The following RNF32 variants were observed in gnomAD, a reference collection of about 807,000 sequenced individuals.
RNF32 encodes the protein ring finger protein 32.
In RNF32, 36 loss-of-function variants were observed where a neutral mutation model predicts 41.0. The ratio of observed to expected loss-of-function variants is 0.88; its 90% CI spans 0.67 to 1.16. RNF32 has a LOEUF of 1.16. Among genes scored for constraint, RNF32 ranks in the 50% most tolerant of loss-of-function variants. The pLI, the probability that RNF32 is intolerant of heterozygous loss-of-function variation, is 0.00. For missense variants in RNF32, 413 were observed against 436.7 expected (o/e 0.95, Z 0.48); for synonymous variants, 154 against 160.9 (o/e 0.96, Z 0.32).
chr7:156,673,543 T>C lies in RNF32; in HGVS notation c.685-2153T>C, dbSNP rs113518786. ...ATTACATTCAGAGTGAAAGAGAATT[T>C]GACTCATAAATAGAAAAGCAGCTTC... On this transcript the variant is annotated intron_variant, in intron 7 of 8. Coordinates refer to ENST00000317955, the MANE Select transcript of RNF32 (RefSeq NM_030936.4). Among the ~76,000 whole-genome samples the C allele has an allele frequency of 4.4e-3, 677 of 152,278 alleles. 3 individuals are homozygous for C. Among genetic ancestry groups the C allele is most frequent in the Middle Eastern group, 0.024 (7 of 294 alleles).
rs1474155824 is a variant in RNF32, at chr7:156,654,621, C to G, written c.320C>G (p.Ser107Ter). The G allele has an allele frequency of 6.2e-7, 1 of 1,614,072 alleles. No homozygotes were observed. The highest frequency in any genetic ancestry group is 1.7e-5 in the Admixed American group (1 of 60,034). ...GGGCCTCCACCACCTCCACTGTCATCAGATGAATGGGAGAAGGTGAAACAG... is the reference window on the plus strand; with the variant it reads ...GGGCCTCCACCACCTCCACTGTCATGAGATGAATGGGAGAAGGTGAAACAG... ...LIGPPPPPLS[S>*]DEWEKVKQRS... The change falls in exon 4 of 9, where the codon TCA becomes TGA. Residue 107 changes from serine to a stop codon, truncating the protein, a stop_gained. Transcript: ENST00000317955. LOFTEE classifies it high-confidence loss of function.
upstream of RNF32, chr7:156,640,263 C>A (rs758672417): frequency 6.3e-5 from 28 of 447,206 alleles, no homozygotes; most frequent in African/African-American, 5.7e-4. Flanking sequence ...AGCGAAGGGG[C>A]GGTGCGCTCG....
chr7:156,647,295 C>A (rs991474777), intron 3 of RNF32, among the ~76,000 whole-genome samples: 5 of 152,042 alleles, frequency 3.3e-5, no homozygotes, highest in Admixed American at 2.0e-4. Flanking sequence ...TTAGTGCCAC[C>A]ACCAGAGTAG....
At chr7:156,641,071 T>G (rs1482499916) in intron 1 of RNF32, 1 of 152,550 alleles carries the variant, frequency 6.6e-6, no homozygotes, top group Non-Finnish European at 1.5e-5. Context: ...CTTAGAACAG[T>G]GATCCCACGT....
In RNF32 at chr7:156,676,868, G is replaced by A. The variant is rs1804155263; in HGVS notation, c.*213G>A. 3.7e-6 allele frequency: 2 copies of A among 543,704 alleles called. No individual in the cohort carries two copies. The highest frequency in any genetic ancestry group is 1.9e-5 in the African/African-American group (1 of 53,004). 33.7% of individuals were successfully genotyped at this position (543,704 alleles called of 1,614,324 possible). Reference sequence around the variant, plus strand: ...TCTAAAAAGTAAATTTCAAATTTATGAGTTTAATCACTTCAAATATGAATA... The same window carrying A: ...TCTAAAAAGTAAATTTCAAATTTATAAGTTTAATCACTTCAAATATGAATA... On this transcript the variant is annotated 3_prime_UTR_variant, in exon 9 of 9. Transcript: ENST00000317955.
At chr7:156,674,280 C>A (rs1803298727) in intron 7 of RNF32, among the ~76,000 whole-genome samples, 1 of 152,224 alleles carries the variant, frequency 6.6e-6, no homozygotes, top group African/African-American at 2.4e-5. Context: ...GGAGAACACC[C>A]AGAAGAGACA....
chr7:156,672,498 G>C (rs1029715102), intron 7 of RNF32, among the ~76,000 whole-genome samples: 1 of 152,178 alleles, frequency 6.6e-6, no homozygotes, highest in African/African-American at 2.4e-5. Context: ...CAGTTGTTCA[G>C]AGCATATGAG....
chr7:156,674,835 C>G (rs889106078), intron 7 of RNF32, among the ~76,000 whole-genome samples: 1 of 152,164 alleles, frequency 6.6e-6, no homozygotes. Flanking sequence ...AAATTACATA[C>G]GTAGCTCACA....
Position 156,675,782 on chromosome 7 carries a change from A to T in RNF32, c.771A>T (p.Ile257=). Residue 257 remains isoleucine, a synonymous_variant, in exon 8 of 9, where the codon ATA becomes ATT. Transcript: ENST00000317955. ...CAGAAATCGATCAGTGCTTGGCCAT[A>T]AATCGAAGTGTTCTTCAGCAGTTGG... is the stretch of plus-strand genomic sequence containing the variant. The part of the protein sequence containing the change: ...LFAEIDQCLA[I]NRSVLQQLEE... The T allele has an allele frequency of 6.2e-7, 1 of 1,614,116 alleles. No homozygotes were observed. The highest frequency in any genetic ancestry group is 1.1e-5 in the South Asian group (1 of 91,074).
chr7:156,674,767 A>G (rs1803426399), intron 7 of RNF32, among the ~76,000 whole-genome samples: 1 of 152,262 alleles, frequency 6.6e-6, no homozygotes, highest in South Asian at 2.1e-4. Flanking sequence ...TGGGTCAGAT[A>G]CAATATTAAA....
chr7:156,670,115 C>T lies in RNF32; in HGVS notation c.685-5581C>T, dbSNP rs1802154491. 6.6e-6 allele frequency among the ~76,000 whole-genome samples: 1 copy of T among 152,172 alleles called. No homozygotes were observed. Among genetic ancestry groups the T allele is most frequent in the East Asian group, 1.9e-4 (1 of 5,190 alleles). On this transcript the variant is annotated intron_variant, in intron 7 of 8. Transcript: ENST00000317955. The surrounding 1 kb of genome is among the most constrained non-coding windows in gnomAD (Gnocchi z 4.3). ...TTATGACTTTCACAGTGCATCTTTA[C>T]ACCAGAATGTCAGTTTTAAGTGCAA... is the stretch of plus-strand genomic sequence containing the variant.
At chr7:156,654,787 A>T in intron 4 of RNF32, 69 bp downstream of exon 4, 1 of 1,435,732 alleles carries the variant, frequency 7.0e-7, no homozygotes, top group South Asian at 1.3e-5. Flanking sequence ...CCAGAGCTGG[A>T]GCCTAAGATT....
rs1318435584 is a variant in RNF32 at position 156,675,824 on chromosome 7, T to C, written c.813T>C (p.His271=). 2.5e-6 allele frequency: 4 copies of C among 1,614,046 alleles called. No individual in the cohort carries two copies. The highest frequency in any genetic ancestry group is 2.5e-6 in the Non-Finnish European group (3 of 1,179,996). Residue 271 remains histidine, a synonymous_variant, in exon 8 of 9, where the codon CAT becomes CAC. Coordinates refer to ENST00000317955, the MANE Select transcript of RNF32 (RefSeq NM_030936.4). Reference sequence around the variant, plus strand: ...AGCAGTTGGAAGAAAAATGTGGCCATGAGATCACAGAAGAGGAATGGGAGA... The same window carrying C: ...AGCAGTTGGAAGAAAAATGTGGCCACGAGATCACAGAAGAGGAATGGGAGA... ...VLQQLEEKCG[H]EITEEEWEKI... is the part of the protein sequence containing the mutation.
chr7:156,660,406 G>T (rs1246368255), intron 7 of RNF32: 6 of 479,280 alleles, frequency 1.3e-5, no homozygotes, highest in South Asian at 8.9e-5. Flanking sequence ...GATCTCAGAT[G>T]ATTTCAATAG....
chr7:156,640,340 G>A (rs1422037172), upstream of RNF32: 1 of 449,700 alleles, frequency 2.2e-6, no homozygotes, highest in East Asian at 7.0e-5. Flanking sequence ...CCAGGTGGGC[G>A]GGCGGCTGAG....
intron 3 of RNF32, among the ~76,000 whole-genome samples, chr7:156,646,851 A>ATT (rs1798022698): frequency 6.6e-6 from 1 of 151,934 alleles, no homozygotes; most frequent in African/African-American, 2.4e-5. Context: ...TTGAAATTTC[A>ATT]TTTTGTTTTG....
Position 156,658,257 on chromosome 7 carries a change from G to A in RNF32, c.575+5G>A. 6.2e-7 allele frequency: 1 copy of A among 1,613,510 alleles called. No individual in the cohort carries two copies. Among genetic ancestry groups the A allele is most frequent in the Non-Finnish European group, 8.5e-7 (1 of 1,179,878 alleles). Reference sequence around the variant, plus strand: ...CAGAATCAAGTGTGTGACCAGGTGAGGACGCCAGGCCCGTTTGGCGCTAAG... The same window carrying A: ...CAGAATCAAGTGTGTGACCAGGTGAAGACGCCAGGCCCGTTTGGCGCTAAG... On this transcript the variant is annotated splice_donor_5th_base_variant and intron_variant, in intron 6 of 8. Transcript: ENST00000317955.
chr7:156,665,437 T>C lies in RNF32; in HGVS notation c.684+6867T>C, dbSNP rs112670394. Among the ~76,000 whole-genome samples the C allele has an allele frequency of 2.1e-3, 323 of 152,336 alleles. 2 individuals are homozygous for C. Among genetic ancestry groups the C allele is most frequent in the Non-Finnish European group, 3.4e-3 (231 of 68,036 alleles). ...GCAAAATGTGTGGCAATTAATAAGA[T>C]TGAATATGGCAAATTCTTAATGATC... On this transcript the variant is annotated intron_variant, in intron 7 of 8. Coordinates refer to ENST00000317955, the MANE Select transcript of RNF32 (RefSeq NM_030936.4).
intron 3 of RNF32, among the ~76,000 whole-genome samples, chr7:156,648,923 T>G (rs1180352554): frequency 6.6e-6 from 1 of 152,202 alleles, no homozygotes; most frequent in Non-Finnish European, 1.5e-5. Context: ...TACTTCACCA[T>G]TCTGAGAGTG....
Sources: allele counts gnomAD v4.1 joint callset (sites outside exome capture counted in the v4.1 genomes callset), GRCh38; gene constraint gnomAD v4.1.1; non-coding constraint Gnocchi (gnomAD v3.1); transcripts MANE v1.5; gene names NCBI Gene and HGNC (gene_info 2026-07-23, HGNC 2026-07-21).